METTL14: variants seen among roughly 807,000 people sequenced by gnomAD.
METTL14 encodes the protein N(6)-adenosine-methyltransferase non-catalytic subunit METTL14.
In METTL14, 32 loss-of-function variants were observed where a neutral mutation model predicts 62.4. That is an observed-to-expected ratio of 0.51 (90% CI 0.39 to 0.69). The LOEUF (loss-of-function observed/expected upper bound fraction) is 0.69. Among genes scored for constraint, METTL14 ranks in the 30% least tolerant of loss-of-function variants. The probability of loss-of-function intolerance (pLI) is 0.00; values close to 1 mark genes in which losing one functional copy is unlikely to be tolerated. For missense variants in METTL14, 340 were observed against 551.9 expected (o/e 0.62, Z 3.85); for synonymous variants, 150 against 180.0 (o/e 0.83, Z 1.34).
intron 10 of METTL14, among the ~76,000 whole-genome samples, chr4:118,706,756 C>T (rs1001480097): frequency 4.6e-5 from 7 of 152,168 alleles, no homozygotes; most frequent in African/African-American, 1.7e-4. Flanking sequence ...TGTCAGTGTT[C>T]AGGATTTTGG....
chr4:118,701,935 T>C (rs1229005625), intron 8 of METTL14, among the ~76,000 whole-genome samples: 1 of 152,124 alleles, frequency 6.6e-6, no homozygotes, highest in East Asian at 1.9e-4. Flanking sequence ...ACTATAACTG[T>C]GTTTCAGTTG....
At chr4:118,697,362 T>C in intron 7 of METTL14, 39 bp downstream of exon 7, 1 of 1,520,876 alleles carries the variant, frequency 6.6e-7, no homozygotes, top group Non-Finnish European at 8.9e-7. Context: ...AATTATTTAT[T>C]TTCAAATGAA....
intron 7 of METTL14, among the ~76,000 whole-genome samples, chr4:118,698,431 C>T (rs1040752849): frequency 1.6e-5 from 2 of 123,832 alleles, no homozygotes; most frequent in East Asian, 2.3e-4. Flanking sequence ...CCAGCCTGGG[C>T]GACACAGCAA....
intron 3 of METTL14, among the ~76,000 whole-genome samples, chr4:118,691,044 A>C (rs1055992026): frequency 1.3e-5 from 2 of 152,188 alleles, no homozygotes; most frequent in Non-Finnish European, 2.9e-5. Context: ...AATAATACCT[A>C]ATCTCGTGAA....
intron 4 of METTL14, 112 bp from the exon 5 acceptor site, chr4:118,691,869 A>C (rs1724256743): frequency 8.5e-6 from 6 of 703,524 alleles, no homozygotes; most frequent in Non-Finnish European, 7.0e-6. Flanking sequence ...ACTAATTTTT[A>C]AATCTATCAA....
chr4:118,698,410 G>A (rs539507282), intron 7 of METTL14, among the ~76,000 whole-genome samples: 4 of 138,436 alleles, frequency 2.9e-5, no homozygotes, highest in Non-Finnish European at 4.5e-5. Context: ...CCAAGATTGC[G>A]CCATTGCACT....
intron 8 of METTL14, among the ~76,000 whole-genome samples, chr4:118,703,650 A>T (rs1191888585): frequency 6.6e-6 from 1 of 152,204 alleles, no homozygotes; most frequent in African/African-American, 2.4e-5. Context: ...CATTGATGAC[A>T]ATAGAATGTA....
At position 118,700,651 on chromosome 4, in the gene METTL14, G is replaced by A. The variant is rs762689098; in HGVS notation, c.738+9G>A. ...TGGACCTTGGAAGAGTGGTAAGATG[G>A]TGCTTTTATAAAGTGGATTTTTAAA... On this transcript the variant is annotated intron_variant, in intron 8 of 10. Coordinates refer to ENST00000388822, the MANE Select transcript of METTL14 (RefSeq NM_020961.4). The A allele has an allele frequency of 3.2e-6, 5 of 1,579,942 alleles. No homozygotes were observed. Among genetic ancestry groups the A allele is most frequent in the Non-Finnish European group, 2.6e-6 (3 of 1,161,308 alleles).
rs150620539 is a variant in METTL14, at chr4:118,687,087, C to T, written c.67-836C>T. The stretch of plus-strand genomic sequence containing the variant: ...AAGCTGATGCCTACAAAATGTTTAA[C>T]ATGGTACCCACAACCCTGTGCAAAC... On this transcript the variant is annotated intron_variant, in intron 1 of 10. Transcript: ENST00000388822. Among the ~76,000 whole-genome samples the T allele has an allele frequency of 2.6e-4, 39 of 152,324 alleles. No homozygotes were observed. In the East Asian group the frequency reaches 6.2e-3, roughly 24 times the overall value.
chr4:118,704,921 G>A (rs1302073922), intron 9 of METTL14, among the ~76,000 whole-genome samples: 1 of 152,162 alleles, frequency 6.6e-6, no homozygotes, highest in African/African-American at 2.4e-5. Flanking sequence ...TGAAGGTGGG[G>A]CATTCATGTG....
chr4:118,708,954 TAATC>T (rs1249623656), intron 10 of METTL14, among the ~76,000 whole-genome samples: 1 of 152,222 alleles, frequency 6.6e-6, no homozygotes, highest in Non-Finnish European at 1.5e-5. Context: ...AAAGACAGTT[TAATC>T]AATCAGAAAA....
At chr4:118,699,168 C>T (rs1044228955) in intron 7 of METTL14, among the ~76,000 whole-genome samples, 3 of 152,142 alleles carry the variant, frequency 2.0e-5, no homozygotes, top group African/African-American at 7.2e-5. Flanking sequence ...GGATTAGAAT[C>T]TTTGCATGTC....
rs1311190837 is a variant in METTL14, at chr4:118,694,428, C to T, written c.413-8C>T. ...ATGAATTCAGAATTTACTATTTTTT[C>T]TGCTCAGGTTTAGCTGACAGATTTG... On this transcript the variant is annotated splice_polypyrimidine_tract_variant and splice_region_variant and intron_variant, in intron 5 of 10. Coordinates refer to ENST00000388822, the MANE Select transcript of METTL14 (RefSeq NM_020961.4). The T allele has an allele frequency of 1.9e-6, 3 of 1,599,348 alleles. No homozygotes were observed. The South Asian group carries it at 3.4e-5, about 18-fold the overall frequency.
chr4:118,692,132 A>C, intron 5 of METTL14, 64 bp downstream of exon 5: 1 of 967,802 alleles, frequency 1.0e-6, no homozygotes, highest in Non-Finnish European at 1.6e-6. Flanking sequence ...TAATTTATCC[A>C]ATTTGTGGAT....
At position 118,690,035 on chromosome 4, in the gene METTL14, C is replaced by CTTTTTTTT. The variant is rs70941200; in HGVS notation, c.243+592_243+599dup. Among the ~76,000 whole-genome samples the CTTTTTTTT allele has an allele frequency of 4.3e-3, 372 of 86,664 alleles. 4 individuals carry two copies. Among genetic ancestry groups the CTTTTTTTT allele is most frequent in the East Asian group, 9.3e-3 (25 of 2,680 alleles). 56.9% of individuals were successfully genotyped at this position (86,664 alleles called of 152,430 possible). ...CTGGTAAGAACTAGGTAATAATATTCTTTTTTTTTTTTTTTTTTTTTGTGA... is the reference window on the plus strand; with the variant it reads ...CTGGTAAGAACTAGGTAATAATATTCTTTTTTTTTTTTTTTTTTTTTTTTTTTTTGTGA... On this transcript the variant is annotated intron_variant, in intron 3 of 10. Transcript: ENST00000388822.
chr4:118,707,971 T>C (rs1724809475), intron 10 of METTL14, among the ~76,000 whole-genome samples: 1 of 151,692 alleles, frequency 6.6e-6, no homozygotes, highest in African/African-American at 2.4e-5. Context: ...ACTGCAGGCG[T>C]GTGCCACCAC....
intron 5 of METTL14, among the ~76,000 whole-genome samples, chr4:118,693,668 C>G (rs1189781184): frequency 6.6e-6 from 1 of 152,068 alleles, no homozygotes; most frequent in Non-Finnish European, 1.5e-5. Flanking sequence ...ATATAAACTG[C>G]TCTGCTCTTA....
At chr4:118,695,498 G>A (rs550488581) in intron 6 of METTL14, among the ~76,000 whole-genome samples, 3 of 152,198 alleles carry the variant, frequency 2.0e-5, no homozygotes, top group Non-Finnish European at 2.9e-5. Flanking sequence ...GCAGTGAGCC[G>A]AGATCGCACC....
At chr4:118,699,898 T>C (rs1720265841) in intron 7 of METTL14, among the ~76,000 whole-genome samples, 1 of 152,096 alleles carries the variant, frequency 6.6e-6, no homozygotes, top group Non-Finnish European at 1.5e-5. Context: ...AAAATGTAAA[T>C]AAGAAAAATG....
Sources: gnomAD v4.1 joint callset for allele counts (sites outside exome capture counted in the v4.1 genomes callset) on GRCh38, gnomAD v4.1.1 for gene constraint, MANE v1.5 for transcripts, NCBI Gene and HGNC (gene_info 2026-07-23, HGNC 2026-07-21) for gene names.